The following VAV3 variants were observed in gnomAD, a reference collection of about 807,000 sequenced individuals.
The protein encoded by VAV3 is guanine nucleotide exchange factor VAV3.
VAV3 carries 94 observed loss-of-function variants against 131.2 expected under a neutral mutation model. The observed-to-expected ratio is 0.72, with a 90% CI of 0.61 to 0.85. VAV3 has a LOEUF of 0.85. Ranked by LOEUF, VAV3 falls within the 40% of genes least tolerant of loss-of-function variation. The probability of loss-of-function intolerance (pLI) is 0.00; values close to 1 mark genes in which losing one functional copy is unlikely to be tolerated. For missense variants in VAV3, 939 were observed against 1,002.7 expected (o/e 0.94, Z 0.86); for synonymous variants, 349 against 342.0 (o/e 1.02, Z -0.22).
chr1:107,738,169 C>T (rs1036164239), intron 15 of VAV3, among the ~76,000 whole-genome samples: 12 of 152,050 alleles, frequency 7.9e-5, no homozygotes, highest in Middle Eastern at 3.4e-3. Context: ...AACACTTGGA[C>T]GAAGGGTGGG....
At chr1:107,858,984 T>G (rs952840711) in intron 2 of VAV3, among the ~76,000 whole-genome samples, 1 of 152,170 alleles carries the variant, frequency 6.6e-6, no homozygotes, top group African/African-American at 2.4e-5. Context: ...TGGGTGTTTT[T>G]GTTTTCTCTT....
At chr1:107,573,994 C>G (rs981073980) in intron 26 of VAV3, 53 bp downstream of exon 26, 2 of 1,595,430 alleles carry the variant, frequency 1.3e-6, no homozygotes, top group Admixed American at 1.7e-5. Context: ...GTGCAAACAA[C>G]TGCTCAGTCC....
intron 1 of VAV3, among the ~76,000 whole-genome samples, chr1:107,942,249 C>T (rs1275753887): frequency 1.3e-5 from 2 of 152,152 alleles, no homozygotes; most frequent in Non-Finnish European, 2.9e-5. Context: ...ATATTTTATA[C>T]AAACTAGAAG....
intron 2 of VAV3, among the ~76,000 whole-genome samples, chr1:107,813,533 C>G (rs1260888996): frequency 6.6e-6 from 1 of 152,028 alleles, no homozygotes; most frequent in Non-Finnish European, 1.5e-5. Context: ...TTGTTACCAC[C>G]ATAGAATGGA....
chr1:107,859,048 C>CA (rs1669611902), intron 2 of VAV3, among the ~76,000 whole-genome samples: 1 of 149,176 alleles, frequency 6.7e-6, no homozygotes. Context: ...ACTAAGACTC[C>CA]AAAACTCTGA....
intron 1 of VAV3, among the ~76,000 whole-genome samples, chr1:107,896,727 G>A (rs923106380): frequency 1.3e-5 from 2 of 151,766 alleles, no homozygotes; most frequent in African/African-American, 4.8e-5. Context: ...ATTAATCAGG[G>A]ATATAATCTG....
intron 2 of VAV3, among the ~76,000 whole-genome samples, chr1:107,780,660 C>T (rs2102230407): frequency 6.6e-6 from 1 of 152,134 alleles, no homozygotes; most frequent in East Asian, 1.9e-4. Flanking sequence ...GGATTACAGG[C>T]ACACACCACC....
intron 1 of VAV3, among the ~76,000 whole-genome samples, chr1:107,960,909 A>C (rs968766985): frequency 1.3e-5 from 2 of 151,476 alleles, no homozygotes; most frequent in African/African-American, 4.8e-5. Flanking sequence ...CACATTATAG[A>C]TAAATATATA....
At chr1:107,944,599 G>GT (rs1313727603) in intron 1 of VAV3, among the ~76,000 whole-genome samples, 1 of 152,066 alleles carries the variant, frequency 6.6e-6, no homozygotes, top group Admixed American at 6.6e-5. Flanking sequence ...ACAAAACGCA[G>GT]TTTTTTGTTT....
intron 1 of VAV3, among the ~76,000 whole-genome samples, chr1:107,907,025 G>C (rs890459138): frequency 6.6e-6 from 1 of 152,104 alleles, no homozygotes; most frequent in Non-Finnish European, 1.5e-5. Flanking sequence ...ATGCAAAAGG[G>C]CCTAAGTGTT....
chr1:107,773,344 T>C (rs1665157674), intron 4 of VAV3, among the ~76,000 whole-genome samples: 1 of 152,200 alleles, frequency 6.6e-6, no homozygotes, highest in Non-Finnish European at 1.5e-5. Context: ...ACTGTATTAA[T>C]GGGTATAATA....
At chr1:107,904,661 A>C (rs1253675707) in intron 1 of VAV3, among the ~76,000 whole-genome samples, 1 of 152,176 alleles carries the variant, frequency 6.6e-6, no homozygotes, top group African/African-American at 2.4e-5. Flanking sequence ...TTATTCATTC[A>C]GCAAATATCT....
chr1:107,648,320 T>C lies in VAV3; in HGVS notation c.1778-5565A>G, dbSNP rs558230879. 2.0e-5 allele frequency among the ~76,000 whole-genome samples: 3 copies of C among 152,160 alleles called. No individual in the cohort carries two copies. In the East Asian group the frequency reaches 5.8e-4, roughly 29 times the overall value. On this transcript the variant is annotated intron_variant, in intron 19 of 26. Coordinates refer to ENST00000370056, the MANE Select transcript of VAV3 (RefSeq NM_006113.5). Reference sequence around the variant, plus strand: ...GTATTAGTGAATCATGAATCAAGGATGAAAGATATGATAATGTCTTTGGAA... The same window carrying C: ...GTATTAGTGAATCATGAATCAAGGACGAAAGATATGATAATGTCTTTGGAA...
At chr1:107,843,355 GCACAA>G (rs1441896655) in intron 2 of VAV3, among the ~76,000 whole-genome samples, 1 of 129,806 alleles carries the variant, frequency 7.7e-6, no homozygotes, top group Non-Finnish European at 1.6e-5. Context: ...GAAGCCCTTA[GCACAA>G]CACAAATATA....
At chr1:107,835,582 A>T (rs1174476422) in intron 2 of VAV3, among the ~76,000 whole-genome samples, 1 of 152,144 alleles carries the variant, frequency 6.6e-6, no homozygotes, top group African/African-American at 2.4e-5. Context: ...GGCCTAGAAC[A>T]CTTAACAGCC....
intron 1 of VAV3, among the ~76,000 whole-genome samples, chr1:107,930,837 A>G (rs1673398633): frequency 6.6e-6 from 1 of 152,178 alleles, no homozygotes; most frequent in Non-Finnish European, 1.5e-5. Context: ...AATGAAGTAC[A>G]CTGCATCGGC....
chr1:107,865,351 G>A (rs1417443937), intron 2 of VAV3, among the ~76,000 whole-genome samples: 1 of 152,142 alleles, frequency 6.6e-6, no homozygotes, highest in Non-Finnish European at 1.5e-5. Flanking sequence ...ACTAAGTCCA[G>A]AGCTCTGGAT....
chr1:107,718,408 C>A (rs927999624), intron 15 of VAV3, among the ~76,000 whole-genome samples: 1 of 152,030 alleles, frequency 6.6e-6, no homozygotes, highest in Admixed American at 6.6e-5. Context: ...TCCTATACAC[C>A]AATTACAGAC....
intron 25 of VAV3, among the ~76,000 whole-genome samples, chr1:107,589,460 G>A (rs901630372): frequency 4.6e-5 from 7 of 152,156 alleles, no homozygotes; most frequent in Admixed American, 2.0e-4. Flanking sequence ...TAGAAACTGG[G>A]AGAGGGGCAT....
Sources: gnomAD v4.1 joint callset for allele counts (sites outside exome capture counted in the v4.1 genomes callset) on GRCh38, gnomAD v4.1.1 for gene constraint, MANE v1.5 for transcripts, NCBI Gene and HGNC (gene_info 2026-07-23, HGNC 2026-07-21) for gene names.